OPRM1: variants seen among roughly 807,000 people sequenced by gnomAD.
OPRM1 encodes opioid receptor mu 1, also known as mu-type opioid receptor.
OPRM1 carries 27 observed loss-of-function variants against 31.8 expected under a neutral mutation model. The observed-to-expected ratio is 0.85, with a 90% CI of 0.63 to 1.17. The LOEUF (loss-of-function observed/expected upper bound fraction) is 1.17. OPRM1 is among the 50% of genes most tolerant of loss of function. The pLI is 0.00. For synonymous variants in OPRM1, 196 were observed against 189.9 expected (o/e 1.03, Z -0.26); for missense variants, 536 against 511.1 (o/e 1.05, Z -0.47).
chr6:154,089,956 C>G lies in OPRM1; in HGVS notation c.421C>G (p.Leu141Val), dbSNP rs199941753. 6.2e-7 allele frequency: 1 copy of G among 1,613,984 alleles called. No homozygotes were observed. Among genetic ancestry groups the G allele is most frequent in the Non-Finnish European group, 8.5e-7 (1 of 1,179,850 alleles). The change falls in exon 2 of 4, where the codon CTT becomes GTT. Residue 141 changes from leucine (L) to valine (V), a missense_variant. Transcript: ENST00000330432. Reference protein sequence around the residue: ...LMGTWPFGTILCKIVISIDYY... With the variant: ...LMGTWPFGTIVCKIVISIDYY... ...GGGAACATGGCCATTTGGAACCATC[C>G]TTTGCAAGATAGTGATCTCCATAGA...
chr6:154,161,255 G>A (rs529204651), intron 3 of OPRM1, among the ~76,000 whole-genome samples: 10 of 148,156 alleles, frequency 6.7e-5, no homozygotes, highest in African/African-American at 1.2e-4. Context: ...CTGTTGCCCA[G>A]GCTGGAGTGC....
chr6:154,083,128 G>A (rs923707438), intron 1 of OPRM1, among the ~76,000 whole-genome samples: 7 of 152,164 alleles, frequency 4.6e-5, no homozygotes, highest in African/African-American at 1.7e-4. Flanking sequence ...AAGGTCTCTT[G>A]GCTATAATGG....
intron 3 of OPRM1, among the ~76,000 whole-genome samples, chr6:154,175,652 A>G (rs946681815): frequency 3.3e-5 from 5 of 152,170 alleles, no homozygotes; most frequent in Non-Finnish European, 7.3e-5. Flanking sequence ...TAGACTAAAA[A>G]TAGCTTCTGA....
chr6:154,069,269 T>G (rs527954060), intron 1 of OPRM1, among the ~76,000 whole-genome samples: 1 of 152,304 alleles, frequency 6.6e-6, no homozygotes, highest in South Asian at 2.1e-4. Context: ...AGATGGAGTC[T>G]CGCTCTGTCA....
chr6:154,173,863 A>G (rs938464598), intron 3 of OPRM1, among the ~76,000 whole-genome samples: 2 of 152,220 alleles, frequency 1.3e-5, no homozygotes, highest in Admixed American at 6.5e-5. Flanking sequence ...CCCAAGACAC[A>G]TAACTGTGAG....
chr6:154,176,096 G>C (rs1800303295), intron 3 of OPRM1, among the ~76,000 whole-genome samples: 1 of 152,180 alleles, frequency 6.6e-6, no homozygotes, highest in South Asian at 2.1e-4. Flanking sequence ...AATAGATGCA[G>C]AAAAGGCCTT....
chr6:154,218,247 T>C (rs1776343596), intron 3 of OPRM1, among the ~76,000 whole-genome samples: 1 of 152,184 alleles, frequency 6.6e-6, no homozygotes, highest in African/African-American at 2.4e-5. Flanking sequence ...GAGAACAAGT[T>C]TTAAGAAATT....
At chr6:154,100,918 A>G (rs987650671) in intron 3 of OPRM1, among the ~76,000 whole-genome samples, 2 of 148,310 alleles carry the variant, frequency 1.3e-5, no homozygotes, top group African/African-American at 4.9e-5. Flanking sequence ...GATTCGTAAT[A>G]TATATTTACA....
intron 3 of OPRM1, among the ~76,000 whole-genome samples, chr6:154,099,246 C>T (rs535612293): frequency 6.8e-6 from 1 of 147,000 alleles, no homozygotes; most frequent in South Asian, 2.2e-4. Flanking sequence ...GATTGTGCCA[C>T]CGCACTCTAG....
chr6:154,222,368 C>A (rs1778933694), intron 3 of OPRM1, among the ~76,000 whole-genome samples: 1 of 152,178 alleles, frequency 6.6e-6, no homozygotes, highest in African/African-American at 2.4e-5. Context: ...AGTTTACTAA[C>A]CTTGTTAAAA....
At chr6:154,014,151 C>G (rs1341481552) in intron 1 of OPRM1, among the ~76,000 whole-genome samples, 1 of 152,048 alleles carries the variant, frequency 6.6e-6, no homozygotes, top group African/African-American at 2.4e-5. Context: ...AATAAGTGAG[C>G]TACAGAAATA....
intron 3 of OPRM1, among the ~76,000 whole-genome samples, chr6:154,152,728 T>C (rs530324093): frequency 6.6e-6 from 1 of 152,268 alleles, no homozygotes; most frequent in East Asian, 1.9e-4. Context: ...TTTATTTTTG[T>C]TTCTATTTAT....
At chr6:154,101,073 T>C (rs995111822) in intron 3 of OPRM1, among the ~76,000 whole-genome samples, 1 of 151,796 alleles carries the variant, frequency 6.6e-6, no homozygotes, top group African/African-American at 2.4e-5. Flanking sequence ...CTATGAAAGA[T>C]GATATTAAGA....
intron 1 of OPRM1, among the ~76,000 whole-genome samples, chr6:154,017,618 TTATTGTTCA>T (rs1322484396): frequency 6.6e-6 from 1 of 151,972 alleles, no homozygotes; most frequent in Non-Finnish European, 1.5e-5. Flanking sequence ...TCAAGAAAAT[TTATTGTTCA>T]TACCCATAAG....
At chr6:154,095,456 C>T (rs1396205426) in intron 3 of OPRM1, among the ~76,000 whole-genome samples, 1 of 152,170 alleles carries the variant, frequency 6.6e-6, no homozygotes, top group South Asian at 2.1e-4. Context: ...GACTATGTAC[C>T]CTAACCCTCT....
rs1486052880 is a variant in OPRM1, at chr6:154,124,387, G to C, written c.*5666G>C. Among the ~76,000 whole-genome samples, 1 of 152,076 alleles carries C rather than the reference G, an allele frequency of 6.6e-6. No individual in the cohort carries two copies. The highest frequency in any genetic ancestry group is 1.5e-5 in the Non-Finnish European group (1 of 68,018). On this transcript the variant is annotated 3_prime_UTR_variant, in exon 4 of 4. Transcript: ENST00000330432. ...TTTTTCAACTCACTTTGCATTTCCT[G>C]TTACCTTGTACTGAGAACTTCATTA...
intron 3 of OPRM1, chr6:154,108,620 A>C: frequency 1.5e-5 from 3 of 200,314 alleles, no homozygotes; most frequent in Non-Finnish European, 2.7e-5. Context: ...AGTGCAAGAC[A>C]GATTAATCCA....
intron 3 of OPRM1, among the ~76,000 whole-genome samples, chr6:154,104,983 T>A (rs1795376084): frequency 6.6e-6 from 1 of 152,200 alleles, no homozygotes; most frequent in African/African-American, 2.4e-5. Context: ...ACAGGGACTG[T>A]GTAGGCAAGG....
rs575362766 is a variant in OPRM1 at position 154,012,554 on chromosome 6, A to G, written c.-1+1536A>G. 6.3e-4 allele frequency among the ~76,000 whole-genome samples: 96 copies of G among 152,256 alleles called. 1 individual carries two copies. The highest frequency in any genetic ancestry group is 2.3e-3 in the African/African-American group (96 of 41,564). On this transcript the variant is annotated intron_variant, in intron 1 of 5. Transcript: ENST00000434900. The stretch of plus-strand genomic sequence containing the variant: ...GTGCCCAGCCTGGAGTCTTAAACTC[A>G]AAGGTAGGATTTGGTCACAATTGCT...
Sources: gnomAD v4.1 joint callset for allele counts (sites outside exome capture counted in the v4.1 genomes callset) on GRCh38, gnomAD v4.1.1 for gene constraint, MANE v1.5 for transcripts, NCBI Gene and HGNC (gene_info 2026-07-23, HGNC 2026-07-21) for gene names.